CCSER1: variants seen among roughly 807,000 people sequenced by gnomAD.
CCSER1 encodes coiled-coil serine rich protein 1.
Under a neutral mutation model 82.0 loss-of-function variants are expected in CCSER1, and 41 were observed. The ratio of observed to expected loss-of-function variants is 0.50; its 90% CI spans 0.39 to 0.65. The LOEUF (loss-of-function observed/expected upper bound fraction) is 0.65. CCSER1 is among the 30% of genes least tolerant of loss of function. CCSER1 has a pLI of 0.00. For synonymous variants in CCSER1, 414 were observed against 383.9 expected (o/e 1.08, Z -0.92); for missense variants, 1,119 against 1,064.2 (o/e 1.05, Z -0.72).
At chr4:91,539,532 A>G (rs1467981530) in intron 10 of CCSER1, among the ~76,000 whole-genome samples, 1 of 152,098 alleles carries the variant, frequency 6.6e-6, no homozygotes, top group Admixed American at 6.6e-5. Context: ...CATATGGTAA[A>G]GCTCAATAAA....
intron 1 of CCSER1, among the ~76,000 whole-genome samples, chr4:90,205,982 C>T (rs569947204): frequency 2.4e-4 from 37 of 151,948 alleles, no homozygotes; most frequent in Non-Finnish European, 3.7e-4. Flanking sequence ...AGTTTATTTG[C>T]GTAGGGGTGT....
chr4:90,723,064 G>C (rs900388272), intron 6 of CCSER1, among the ~76,000 whole-genome samples: 2 of 151,826 alleles, frequency 1.3e-5, no homozygotes, highest in South Asian at 4.1e-4. Context: ...TGAAAATGTA[G>C]GTATATATTC....
chr4:91,246,088 G>A (rs1182117832), intron 10 of CCSER1, among the ~76,000 whole-genome samples: 2 of 152,228 alleles, frequency 1.3e-5, no homozygotes, highest in Non-Finnish European at 2.9e-5. Context: ...GACCAGTGGT[G>A]TGTAGGCTAT....
At chr4:90,523,032 C>G (rs1773328296) in intron 5 of CCSER1, among the ~76,000 whole-genome samples, 1 of 152,058 alleles carries the variant, frequency 6.6e-6, no homozygotes. Context: ...CCTCTATGGT[C>G]ATCCTGTCAT....
At chr4:91,387,439 A>C (rs1446740289) in intron 10 of CCSER1, among the ~76,000 whole-genome samples, 1 of 152,028 alleles carries the variant, frequency 6.6e-6, no homozygotes, top group African/African-American at 2.4e-5. Flanking sequence ...TACTTAGGAC[A>C]CTGAGAAAAA....
In CCSER1 at chr4:90,309,615, T is replaced by A; in HGVS notation, c.1324+7T>A. ...GAAGCAAATCCTGCCAAAGGTATGC[T>A]GATTTTTTTTGTATAACAAATGATA... On this transcript the variant is annotated splice_region_variant and intron_variant, in intron 2 of 10. Transcript: ENST00000509176. 6.5e-7 allele frequency: 1 copy of A among 1,541,166 alleles called. No individual in the cohort carries two copies.
intron 10 of CCSER1, among the ~76,000 whole-genome samples, chr4:91,185,035 CA>C (rs753277195): frequency 2.0e-5 from 3 of 152,144 alleles, no homozygotes; most frequent in Non-Finnish European, 4.4e-5. Flanking sequence ...TTAAATTGAG[CA>C]GGTTGAATTG....
intron 10 of CCSER1, among the ~76,000 whole-genome samples, chr4:91,444,930 A>G (rs1014926266): frequency 6.6e-6 from 1 of 152,154 alleles, no homozygotes; most frequent in East Asian, 1.9e-4. Flanking sequence ...CATTCCATTC[A>G]CTTCAGTGTG....
intron 10 of CCSER1, among the ~76,000 whole-genome samples, chr4:91,510,488 C>T (rs1253723724): frequency 6.6e-6 from 1 of 152,156 alleles, no homozygotes; most frequent in Non-Finnish European, 1.5e-5. Flanking sequence ...GCCTTACCAA[C>T]AGCTGTTATT....
intron 10 of CCSER1, among the ~76,000 whole-genome samples, chr4:91,367,430 CTTTCTT>C (rs1415132170): frequency 2.1e-5 from 2 of 93,488 alleles, no homozygotes; most frequent in African/African-American, 6.5e-5. Flanking sequence ...TTCTTGATTT[CTTTCTT>C]TTTTTTTTTT....
chr4:91,595,975 CA>C (rs1560789892), intron 10 of CCSER1, among the ~76,000 whole-genome samples: 1 of 119,098 alleles, frequency 8.4e-6, no homozygotes, highest in East Asian at 2.5e-4. Context: ...AAACCAAGGG[CA>C]AAAAAACTAA....
intron 1 of CCSER1, among the ~76,000 whole-genome samples, chr4:90,186,100 T>C (rs1734569350): frequency 6.6e-6 from 1 of 151,998 alleles, no homozygotes; most frequent in African/African-American, 2.4e-5. Context: ...GAACAATAAA[T>C]CTTGGATCTT....
intron 10 of CCSER1, among the ~76,000 whole-genome samples, chr4:91,249,229 A>G (rs1228258458): frequency 3.3e-5 from 5 of 152,136 alleles, no homozygotes; most frequent in Admixed American, 3.3e-4. Flanking sequence ...AGCCATTTCT[A>G]TGTTTTTAGT....
chr4:90,138,270 C>T (rs940814874), intron 1 of CCSER1, among the ~76,000 whole-genome samples: 1 of 152,098 alleles, frequency 6.6e-6, no homozygotes, highest in Non-Finnish European at 1.5e-5. Flanking sequence ...TATCTCAATA[C>T]AGCCTCAAAC....
intron 4 of CCSER1, among the ~76,000 whole-genome samples, chr4:90,440,143 A>G (rs756879986): frequency 6.6e-5 from 10 of 152,000 alleles, no homozygotes; most frequent in Non-Finnish European, 1.2e-4. Context: ...AGCTGGGGCT[A>G]CAGTAGTGTG....
intron 10 of CCSER1, among the ~76,000 whole-genome samples, chr4:91,572,135 C>T (rs554646880): frequency 7.9e-5 from 12 of 152,068 alleles, no homozygotes; most frequent in South Asian, 2.1e-4. Flanking sequence ...TGAGAAAATA[C>T]GGGAATGGGT....
chr4:90,304,889 A>C (rs947068015), intron 1 of CCSER1, among the ~76,000 whole-genome samples: 1 of 151,324 alleles, frequency 6.6e-6, no homozygotes, highest in South Asian at 2.1e-4. Context: ...TATGGGACTG[A>C]CTCTTTCATT....
chr4:90,482,168 TC>T (rs1170556547), intron 5 of CCSER1, among the ~76,000 whole-genome samples: 2 of 152,356 alleles, frequency 1.3e-5, no homozygotes, highest in East Asian at 3.9e-4. Flanking sequence ...TAGAGGTGTT[TC>T]TAGTATTCTC....
At chr4:91,486,738 C>T (rs757617137) in intron 10 of CCSER1, among the ~76,000 whole-genome samples, 3 of 152,014 alleles carry the variant, frequency 2.0e-5, no homozygotes, top group African/African-American at 4.8e-5. Context: ...TATGCAACTA[C>T]TATGCCATTT....
Sources: gnomAD v4.1 joint callset for allele counts (sites outside exome capture counted in the v4.1 genomes callset) on GRCh38, gnomAD v4.1.1 for gene constraint, MANE v1.5 for transcripts, NCBI Gene and HGNC (gene_info 2026-07-23, HGNC 2026-07-21) for gene names.